SARM1: variants seen among roughly 807,000 people sequenced by gnomAD.
SARM1 encodes the protein sterile alpha and TIR motif containing 1, also known as NAD(+) hydrolase SARM1.
Under a neutral mutation model 65.1 loss-of-function variants are expected in SARM1, and 60 were observed. The ratio of observed to expected loss-of-function variants is 0.92; its 90% CI spans 0.75 to 1.14. The LOEUF is 1.14. Ranked by LOEUF, SARM1 falls within the 50% of genes most tolerant of loss-of-function variation. The pLI is 0.00. For missense variants in SARM1, 913 were observed against 1,015.7 expected (o/e 0.90, Z 1.37); for synonymous variants, 417 against 465.4 (o/e 0.90, Z 1.34).
chr17:28,384,580 G>A lies in SARM1; in HGVS notation c.1302+11G>A, dbSNP rs782049256. On this transcript the variant is annotated intron_variant, in intron 3 of 8. Coordinates refer to ENST00000585482, the MANE Select transcript of SARM1 (RefSeq NM_015077.4). The surrounding 1 kb of genome is among the most constrained non-coding windows in gnomAD (Gnocchi z 4.4). ...TGCGAGAGCTTCCGGGTAGAGTCGC[G>A]TGGGATACGCCTCCCCCGAGTCAGA... The A allele has an allele frequency of 1.4e-5, 22 of 1,584,140 alleles. No homozygotes were observed. Among genetic ancestry groups the A allele is most frequent in the Middle Eastern group, 4.4e-4 (2 of 4,530 alleles).
Position 28,401,284 on chromosome 17 carries a change from C to T in SARM1, c.*4998C>T, listed in dbSNP as rs1335012520. 1.2e-5 allele frequency: 2 copies of T among 165,758 alleles called. No individual in the cohort carries two copies. The highest frequency in any genetic ancestry group is 2.6e-5 in the Non-Finnish European group (2 of 75,532). The allele number at this position is 165,758 out of a possible 1,614,324, so 10.3% of individuals were successfully genotyped here. On this transcript the variant is annotated 3_prime_UTR_variant, in exon 9 of 9. Coordinates refer to ENST00000585482, the MANE Select transcript of SARM1 (RefSeq NM_015077.4). Reference sequence around the variant, plus strand: ...TTAAGTTCACATGGAAATCACCCATCACTGGGCCTGGTCCCCTGGAAGTAG... The same window carrying T: ...TTAAGTTCACATGGAAATCACCCATTACTGGGCCTGGTCCCCTGGAAGTAG...
chr17:28,399,725 CAG>C lies in SARM1; in HGVS notation c.*3448_*3449del, dbSNP rs1236055615. ...CCTTTTCCAGCATCCTGTGAGAGAC[CAG>C]AGAGAGAGTTTGGATTTCATGTGGG... On this transcript the variant is annotated 3_prime_UTR_variant, in exon 9 of 9. Coordinates refer to ENST00000585482, the MANE Select transcript of SARM1 (RefSeq NM_015077.4). The C allele has an allele frequency of 1.9e-6, 3 of 1,613,602 alleles. No individual in the cohort carries two copies. Among genetic ancestry groups the C allele is most frequent in the Middle Eastern group, 1.6e-4 (1 of 6,084 alleles).
Position 28,399,281 on chromosome 17 carries a change from C to G in SARM1, c.*2995C>G, listed in dbSNP as rs1180991135. 2.6e-5 allele frequency: 6 copies of G among 235,026 alleles called. No homozygotes were observed. Among genetic ancestry groups the G allele is most frequent in the Non-Finnish European group, 5.1e-5 (6 of 117,082 alleles). 14.6% of individuals were successfully genotyped at this position (235,026 alleles called of 1,614,324 possible). A position where few individuals can be genotyped will look rare whatever the true frequency, so the allele number is the denominator to read the frequency against. On this transcript the variant is annotated 3_prime_UTR_variant, in exon 9 of 9. Coordinates refer to ENST00000585482, the MANE Select transcript of SARM1 (RefSeq NM_015077.4). ...CCTGGTTGGGGCTGTGCAGTTTGGG[C>G]TGGAAGGAGAGATGCCAGCCCTCGT...
In SARM1 at chr17:28,385,335, G is replaced by A; in HGVS notation, c.1630+60G>A. On this transcript the variant is annotated intron_variant, in intron 5 of 8. Transcript: ENST00000585482. The surrounding 1 kb of genome is among the most constrained non-coding windows in gnomAD (Gnocchi z 4.5). Reference sequence around the variant, plus strand: ...CAGCCCCAGCCACGGCCCTGGAATGGTGAGGGGAGACACGGGGTGGAGCCT... The same window carrying A: ...CAGCCCCAGCCACGGCCCTGGAATGATGAGGGGAGACACGGGGTGGAGCCT... 7.6e-7 allele frequency: 1 copy of A among 1,312,218 alleles called. No homozygotes were observed. The allele number at this position is 1,312,218 out of a possible 1,614,324, so 81.3% of individuals were successfully genotyped here. A position where few individuals can be genotyped will look rare whatever the true frequency, so the allele number is the denominator to read the frequency against.
intron 1 of SARM1, among the ~76,000 whole-genome samples, chr17:28,374,494 G>A (rs1227904100): frequency 2.0e-5 from 3 of 151,962 alleles, no homozygotes; most frequent in South Asian, 2.1e-4. Flanking sequence ...CTGAGAGCGC[G>A]CCACTGCACT....
intron 1 of SARM1, chr17:28,373,882 T>G (rs1555584316): frequency 6.6e-6 from 1 of 152,128 alleles, no homozygotes; most frequent in African/African-American, 2.4e-5. Context: ...CACTAACCAG[T>G]GTCCCTGGTC....
At chr17:28,375,442 C>CA (rs61041178) in intron 1 of SARM1, among the ~76,000 whole-genome samples, 18,261 of 151,710 alleles carry the variant, frequency 0.12, 1,313 homozygotes, top group East Asian at 0.23. Flanking sequence ...ACTAAAAATA[C>CA]AAAAAATTAG....
Position 28,381,405 on chromosome 17 carries a change from CACTGCGCGCTGGCGCTGGGCA to C in SARM1, c.685_705del (p.Ala229_Leu235del), listed in dbSNP as rs782325355. The C allele has an allele frequency of 3.4e-5, 52 of 1,550,282 alleles. No homozygotes were observed. The highest frequency in any genetic ancestry group is 4.1e-5 in the Non-Finnish European group (47 of 1,147,952). ...CCGCACGGACCCCGCGCTGCTGCGCCACTGCGCGCTGGCGCTGGGCAACTGCGCGCTGCACGGGGGCCAGGC... is the reference window on the plus strand; with the variant it reads ...CCGCACGGACCCCGCGCTGCTGCGCCACTGCGCGCTGCACGGGGGCCAGGC... On this transcript the variant is annotated inframe_deletion, in exon 2 of 9. Coordinates refer to ENST00000585482, the MANE Select transcript of SARM1 (RefSeq NM_015077.4).
chr17:28,380,505 T>C (rs1407381150), intron 1 of SARM1, among the ~76,000 whole-genome samples: 1 of 152,254 alleles, frequency 6.6e-6, no homozygotes, highest in African/African-American at 2.4e-5. Context: ...TTTTCTTGTC[T>C]ATGTCTTCCT....
intron 7 of SARM1, 74 bp from the exon 8 acceptor site, chr17:28,395,831 C>G: frequency 1.3e-6 from 2 of 1,590,018 alleles, no homozygotes; most frequent in Non-Finnish European, 1.7e-6. Context: ...CAGTGGGCCT[C>G]CCAGCACCTG....
Position 28,391,906 on chromosome 17 carries a change from G to A in SARM1, c.1923+3367G>A, listed in dbSNP as rs117218086. On this transcript the variant is annotated intron_variant, in intron 7 of 8. Transcript: ENST00000585482. The stretch of plus-strand genomic sequence containing the variant: ...TTTTTTTTTTTTTTTTTCCAGTAGA[G>A]ATAGGGTTTCGCTATGTCACCCAGG... Among the ~76,000 whole-genome samples, 1,179 of 140,732 alleles carry A rather than the reference G, an allele frequency of 8.4e-3. 9 individuals carry two copies. The highest frequency in any genetic ancestry group is 0.014 in the Non-Finnish European group (894 of 65,930). 92.3% of individuals were successfully genotyped at this position (140,732 alleles called of 152,430 possible).
rs2068165327 is a variant in SARM1 at position 28,399,204 on chromosome 17, G to C, written c.*2918G>C. On this transcript the variant is annotated 3_prime_UTR_variant, in exon 9 of 9. Transcript: ENST00000585482. ...CCTTCCCAAGGCTGGCACTAACCAG[G>C]TACCACATTCATTGTTAAGGAATGG... 1 of 164,192 alleles carries C rather than the reference G, an allele frequency of 6.1e-6. No homozygotes were observed. Among genetic ancestry groups the C allele is most frequent in the Non-Finnish European group, 1.3e-5 (1 of 75,068 alleles). 10.2% of individuals were successfully genotyped at this position (164,192 alleles called of 1,614,324 possible).
At position 28,401,002 on chromosome 17, in the gene SARM1, G is replaced by T; in HGVS notation, c.*4716G>T. 2 of 532,354 alleles carry T rather than the reference G, an allele frequency of 3.8e-6. No individual in the cohort carries two copies. Among genetic ancestry groups the T allele is most frequent in the Admixed American group, 3.1e-5 (1 of 32,258 alleles). 33.0% of individuals were successfully genotyped at this position (532,354 alleles called of 1,614,324 possible). ...GGCTGCTATTAAATCCACATTAAAA[G>T]TACATGTGATCTGACAGAACCCAGC... On this transcript the variant is annotated 3_prime_UTR_variant, in exon 9 of 9. Transcript: ENST00000585482.
At chr17:28,393,393 T>A (rs965021644) in intron 7 of SARM1, among the ~76,000 whole-genome samples, 23 of 151,776 alleles carry the variant, frequency 1.5e-4, no homozygotes, top group Non-Finnish European at 5.9e-5. Context: ...TACTAAAAAA[T>A]ACAAAAAATT....
chr17:28,380,057 C>CTTTTTTTTTTTTTTTTTT (rs61029083), intron 1 of SARM1, among the ~76,000 whole-genome samples: 2 of 106,096 alleles, frequency 1.9e-5, no homozygotes, highest in Non-Finnish European at 3.6e-5. Context: ...TTTTTCTTTT[C>CTTTTTTTTTTTTTTTTTT]TTTTTTTTTT....
chr17:28,380,735 G>A (rs1182411866), intron 1 of SARM1, among the ~76,000 whole-genome samples: 1 of 152,242 alleles, frequency 6.6e-6, no homozygotes, highest in Non-Finnish European at 1.5e-5. Context: ...TTTTTACCAT[G>A]TGCCAGGCAT....
Position 28,390,614 on chromosome 17 carries a change from G to A in SARM1, c.1923+2075G>A, listed in dbSNP as rs188141316. On this transcript the variant is annotated intron_variant, in intron 7 of 8. Transcript: ENST00000585482. Reference sequence around the variant, plus strand: ...TAGGGTTAAAATTAAAACCTCCTCCGATAAGACTTTATGGTTTGTAGGGCA... The same window carrying A: ...TAGGGTTAAAATTAAAACCTCCTCCAATAAGACTTTATGGTTTGTAGGGCA... Among the ~76,000 whole-genome samples the A allele has an allele frequency of 5.1e-4, 78 of 151,962 alleles. 1 individual carries two copies. Among genetic ancestry groups the A allele is most frequent in the African/African-American group, 1.8e-3 (75 of 41,418 alleles).
chr17:28,394,649 C>G (rs1248008178), intron 7 of SARM1: 6 of 152,218 alleles, frequency 3.9e-5, no homozygotes, highest in Non-Finnish European at 8.8e-5. Flanking sequence ...AAGCACTTTA[C>G]TTACTATTAG....
intron 7 of SARM1, among the ~76,000 whole-genome samples, chr17:28,393,013 G>C (rs761090966): frequency 6.6e-6 from 1 of 152,164 alleles, no homozygotes; most frequent in African/African-American, 2.4e-5. Context: ...CCTCTTGAGA[G>C]GAAGAAAAAC....
Sources: gnomAD v4.1 joint callset for allele counts (sites outside exome capture counted in the v4.1 genomes callset) on GRCh38, gnomAD v4.1.1 for gene constraint, Gnocchi (gnomAD v3.1) non-coding constraint, MANE v1.5 for transcripts, NCBI Gene and HGNC (gene_info 2026-07-23, HGNC 2026-07-21) for gene names.